XXYLT1: variants seen among roughly 807,000 people sequenced by gnomAD.
XXYLT1 encodes the protein UDP-xylose:alpha-xyloside alpha-1,3-xylosyltransferase.
XXYLT1 carries 20 observed loss-of-function variants against 28.9 expected under a neutral mutation model. The ratio of observed to expected loss-of-function variants is 0.69; its 90% CI spans 0.49 to 1.00. XXYLT1 has a LOEUF of 1.00. XXYLT1 is among the 50% of genes least tolerant of loss of function. XXYLT1 has a pLI of 0.00. For synonymous variants in XXYLT1, 257 were observed against 253.8 expected (o/e 1.01, Z -0.12); for missense variants, 542 against 560.1 (o/e 0.97, Z 0.33).
intron 2 of XXYLT1, among the ~76,000 whole-genome samples, chr3:195,160,445 G>C (rs1265528435): frequency 6.6e-6 from 1 of 152,204 alleles, no homozygotes; most frequent in African/African-American, 2.4e-5. Flanking sequence ...AGGGAGAAGG[G>C]GAAATGATGA....
chr3:195,162,283 C>T (rs1022824171), intron 2 of XXYLT1, among the ~76,000 whole-genome samples: 1 of 152,136 alleles, frequency 6.6e-6, no homozygotes, highest in Non-Finnish European at 1.5e-5. Flanking sequence ...ATACGGCCAG[C>T]GCTCAGCTTT....
intron 2 of XXYLT1, among the ~76,000 whole-genome samples, chr3:195,216,135 C>G (rs566015718): frequency 6.6e-6 from 1 of 152,024 alleles, no homozygotes; most frequent in South Asian, 2.1e-4. Context: ...GAGAACATAC[C>G]AGAATCTCTG....
At chr3:195,265,070 A>AAAG (rs1400764136) in intron 1 of XXYLT1, among the ~76,000 whole-genome samples, 1 of 152,068 alleles carries the variant, frequency 6.6e-6, no homozygotes, top group African/African-American at 2.4e-5. Context: ...TCAAAAAAAA[A>AAAG]AAAAGAGTAA....
At chr3:195,219,107 C>T (rs895073565) in intron 2 of XXYLT1, among the ~76,000 whole-genome samples, 12 of 149,146 alleles carry the variant, frequency 8.0e-5, no homozygotes, top group African/African-American at 2.5e-4. Context: ...TAGGTGGGAA[C>T]TGAACAATGA....
At chr3:195,158,472 G>A (rs1720715582) in intron 2 of XXYLT1, among the ~76,000 whole-genome samples, 1 of 152,216 alleles carries the variant, frequency 6.6e-6, no homozygotes, top group Non-Finnish European at 1.5e-5. Context: ...GGGACCAACT[G>A]GGAGTAAACC....
chr3:195,169,869 A>ATATT (rs1165940696), intron 2 of XXYLT1, among the ~76,000 whole-genome samples: 3 of 123,230 alleles, frequency 2.4e-5, no homozygotes, highest in Admixed American at 1.6e-4. Flanking sequence ...ATATATATAT[A>ATATT]TTTTTTTTTT....
At chr3:195,194,638 A>T (rs1722551206) in intron 2 of XXYLT1, among the ~76,000 whole-genome samples, 1 of 152,210 alleles carries the variant, frequency 6.6e-6, no homozygotes, top group Non-Finnish European at 1.5e-5. Flanking sequence ...TAATAGCTCC[A>T]AAGTGAAACC....
chr3:195,179,044 C>T (rs2108732778), intron 2 of XXYLT1, among the ~76,000 whole-genome samples: 1 of 152,256 alleles, frequency 6.6e-6, no homozygotes, highest in African/African-American at 2.4e-5. Flanking sequence ...GGAGGAGATT[C>T]AAGAACTCAT....
At chr3:195,143,700 T>C (rs955001685) in intron 3 of XXYLT1, among the ~76,000 whole-genome samples, 2 of 150,276 alleles carry the variant, frequency 1.3e-5, no homozygotes, top group East Asian at 3.9e-4. Context: ...GAATCACATA[T>C]GGGCTCTTCT....
Position 195,150,627 on chromosome 3 carries a change from G to A in XXYLT1, c.785+5822C>T, listed in dbSNP as rs1720152729. On this transcript the variant is annotated intron_variant, in intron 3 of 3. Coordinates refer to ENST00000310380, the MANE Select transcript of XXYLT1 (RefSeq NM_152531.5). The surrounding 1 kb of genome is among the most constrained non-coding windows in gnomAD (Gnocchi z 4.7). ...GCCGCTTCCTCCTCAGGGTGGGCCG[G>A]GGCTCACACAGCACACGGCTGCCCG... 1.3e-5 allele frequency among the ~76,000 whole-genome samples: 2 copies of A among 152,156 alleles called. No individual in the cohort carries two copies. Among genetic ancestry groups the A allele is most frequent in the African/African-American group, 2.4e-5 (1 of 41,428 alleles).
intron 2 of XXYLT1, among the ~76,000 whole-genome samples, chr3:195,198,388 C>A (rs1197075003): frequency 6.6e-6 from 1 of 152,186 alleles, no homozygotes; most frequent in East Asian, 1.9e-4. Flanking sequence ...GTTGTCCGGG[C>A]ACTTCATCCC....
At chr3:195,110,157 T>TG (rs1717454406) in intron 3 of XXYLT1, among the ~76,000 whole-genome samples, 1 of 30,378 alleles carries the variant, frequency 3.3e-5, no homozygotes, top group Non-Finnish European at 7.8e-5. Flanking sequence ...TGTCTGTGTG[T>TG]TGTGTGTGGT....
At chr3:195,155,772 G>A (rs931141024) in intron 3 of XXYLT1, among the ~76,000 whole-genome samples, 3 of 151,908 alleles carry the variant, frequency 2.0e-5, no homozygotes, top group African/African-American at 4.8e-5. Context: ...CGCTCTCGTC[G>A]CATGGAGCCG....
intron 3 of XXYLT1, chr3:195,134,517 A>G (rs940912436): frequency 6.4e-6 from 1 of 155,564 alleles, no homozygotes; most frequent in Non-Finnish European, 1.5e-5. Context: ...ACAGGTTTGT[A>G]GCCCAGGAGC....
At chr3:195,261,228 T>C (rs1439486649) in intron 1 of XXYLT1, among the ~76,000 whole-genome samples, 1 of 151,846 alleles carries the variant, frequency 6.6e-6, no homozygotes, top group African/African-American at 2.4e-5. Context: ...AGGTCAGGAG[T>C]TCGAGCCCAG....
In XXYLT1 at chr3:195,150,555, G is replaced by A. The variant is rs1041380289; in HGVS notation, c.785+5894C>T. Among the ~76,000 whole-genome samples, 2 of 152,170 alleles carry A rather than the reference G, an allele frequency of 1.3e-5. No homozygotes were observed. The highest frequency in any genetic ancestry group is 2.4e-5 in the African/African-American group (1 of 41,446). On this transcript the variant is annotated intron_variant, in intron 3 of 3. Coordinates refer to ENST00000310380, the MANE Select transcript of XXYLT1 (RefSeq NM_152531.5). The surrounding 1 kb of genome is among the most constrained non-coding windows in gnomAD (Gnocchi z 4.7). The stretch of plus-strand genomic sequence containing the variant: ...TGATTAAAATACTTAACACAAAAGC[G>A]AATTCCCGCCTGGTGGCATGTTATC...
intron 2 of XXYLT1, among the ~76,000 whole-genome samples, chr3:195,161,059 A>G (rs974485235): frequency 6.6e-6 from 1 of 152,176 alleles, no homozygotes; most frequent in African/African-American, 2.4e-5. Context: ...GGGCTCCTCC[A>G]GCCTGACCAG....
chr3:195,101,686 T>A (rs569998018), intron 3 of XXYLT1, among the ~76,000 whole-genome samples: 1 of 150,206 alleles, frequency 6.7e-6, no homozygotes, highest in South Asian at 2.1e-4. Context: ...CTGAGCCGGG[T>A]GCTGTGGTGT....
intron 3 of XXYLT1, among the ~76,000 whole-genome samples, chr3:195,137,010 C>T (rs1719233584): frequency 6.6e-6 from 1 of 152,184 alleles, no homozygotes; most frequent in Non-Finnish European, 1.5e-5. Context: ...TACACTGCAA[C>T]TCGTTCGAGT....
Sources: gnomAD v4.1 joint callset for allele counts (sites outside exome capture counted in the v4.1 genomes callset) on GRCh38, gnomAD v4.1.1 for gene constraint, Gnocchi (gnomAD v3.1) non-coding constraint, MANE v1.5 for transcripts, NCBI Gene and HGNC (gene_info 2026-07-23, HGNC 2026-07-21) for gene names.